DCDC2: variants seen among roughly 807,000 people sequenced by gnomAD.
DCDC2 encodes doublecortin domain containing 2.
In DCDC2, 40 loss-of-function variants were observed where a neutral mutation model predicts 50.2. The observed-to-expected ratio is 0.80, with a 90% confidence interval of 0.62 to 1.04. DCDC2 has a LOEUF of 1.04. Among genes scored for constraint, DCDC2 ranks in the 50% least tolerant of loss-of-function variants. The pLI, the probability that DCDC2 is intolerant of heterozygous loss-of-function variation, is 0.00. For synonymous variants in DCDC2, 234 were observed against 210.6 expected, an observed-to-expected ratio of 1.11 and a Z score of -0.96; for missense variants, 570 against 581.9, an observed-to-expected ratio of 0.98 and a Z score of 0.21.
At chr6:24,358,512 T>C (rs1262654639), upstream of DCDC2, among the ~76,000 whole-genome samples, 3 of 75,904 alleles carry the variant, frequency 4.0e-5, no homozygotes, top group East Asian at 9.6e-4. Flanking sequence ...TCTCTACAAT[T>C]AAAAAAAAAA....
At chr6:24,181,345 A>G (rs1761066024) in intron 8 of DCDC2, among the ~76,000 whole-genome samples, 1 of 152,212 alleles carries the variant, frequency 6.6e-6, no homozygotes, top group Non-Finnish European at 1.5e-5. Flanking sequence ...AGAGAATAAC[A>G]TTTCCAATCT....
chr6:24,381,940 AAG>A, the DCDC2 span, among the ~76,000 whole-genome samples: 3 of 117,080 alleles, frequency 2.6e-5, 1 homozygote, highest in South Asian at 8.1e-4. Flanking sequence ...GAAAGAAAGA[AAG>A]AAGAAGAAGG....
intron 8 of DCDC2, among the ~76,000 whole-genome samples, chr6:24,189,362 T>A (rs186549661): frequency 6.6e-5 from 10 of 152,208 alleles, no homozygotes; most frequent in East Asian, 1.9e-4. Flanking sequence ...AATATGAAAA[T>A]TATATGGAAA....
At chr6:24,195,769 G>C (rs982074581) in intron 8 of DCDC2, among the ~76,000 whole-genome samples, 3 of 152,090 alleles carry the variant, frequency 2.0e-5, no homozygotes, top group Non-Finnish European at 4.4e-5. Flanking sequence ...GATTGTTCTG[G>C]AAGACATCAC....
At chr6:24,220,135 T>C (rs1762066191) in intron 7 of DCDC2, among the ~76,000 whole-genome samples, 1 of 152,216 alleles carries the variant, frequency 6.6e-6, no homozygotes, top group Non-Finnish European at 1.5e-5. Flanking sequence ...TGGTAGAATG[T>C]ATACCTATCA....
chr6:24,335,077 C>G (rs1398919523), intron 2 of DCDC2, among the ~76,000 whole-genome samples: 5 of 152,174 alleles, frequency 3.3e-5, no homozygotes, highest in African/African-American at 1.2e-4. Context: ...ATAGCTAGAT[C>G]ATGTAAACTG....
At chr6:24,281,163 G>C (rs186268831) in intron 6 of DCDC2, among the ~76,000 whole-genome samples, 1 of 152,232 alleles carries the variant, frequency 6.6e-6, no homozygotes, top group Non-Finnish European at 1.5e-5. Context: ...GGTAATTTTG[G>C]AGTATCAAGA....
intron 7 of DCDC2, among the ~76,000 whole-genome samples, chr6:24,207,252 A>ATCTT (rs1290381819): frequency 2.2e-5 from 2 of 90,338 alleles, no homozygotes; most frequent in Admixed American, 1.0e-4. Context: ...CACTCCATCT[A>ATCTT]TCTTTCTCTC....
intron 7 of DCDC2, among the ~76,000 whole-genome samples, chr6:24,277,217 C>A (rs1031881391): frequency 1.3e-5 from 2 of 148,246 alleles, no homozygotes; most frequent in African/African-American, 4.9e-5. Flanking sequence ...TAATCTGAAA[C>A]CTGATCCCAT....
intron 5 of DCDC2, among the ~76,000 whole-genome samples, chr6:24,290,505 A>C (rs1763722493): frequency 6.6e-6 from 1 of 152,206 alleles, no homozygotes; most frequent in South Asian, 2.1e-4. Flanking sequence ...GTTATTATTA[A>C]AACAAGTATA....
chr6:24,179,894 C>T (rs546961794), intron 8 of DCDC2, among the ~76,000 whole-genome samples: 321 of 126,746 alleles, frequency 2.5e-3, no homozygotes, highest in Middle Eastern at 0.012. Context: ...GCAGAGCTTG[C>T]AGTGAGCCCA....
chr6:24,285,597 T>A (rs1034221639), intron 6 of DCDC2, among the ~76,000 whole-genome samples: 1 of 152,174 alleles, frequency 6.6e-6, no homozygotes, highest in African/African-American at 2.4e-5. Context: ...ATCAGATGAA[T>A]TGATGTGATG....
At chr6:24,321,083 C>G (rs1430556194) in intron 2 of DCDC2, among the ~76,000 whole-genome samples, 1 of 150,866 alleles carries the variant, frequency 6.6e-6, no homozygotes, top group Non-Finnish European at 1.5e-5. Flanking sequence ...GATTTTAACA[C>G]CTAAAATAAA....
chr6:24,313,309 T>TA (rs1465534772), intron 2 of DCDC2, among the ~76,000 whole-genome samples: 2 of 152,100 alleles, frequency 1.3e-5, no homozygotes, highest in African/African-American at 2.4e-5. Flanking sequence ...CCCATAAAGT[T>TA]AAAAAATAAC....
At chr6:24,246,883 CTT>C in intron 7 of DCDC2, among the ~76,000 whole-genome samples, 1 of 152,258 alleles carries the variant, frequency 6.6e-6, no homozygotes, top group African/African-American at 2.4e-5. Context: ...CGAGCTTCCT[CTT>C]GTTTTGCTTC....
At chr6:24,238,180 G>GGGAGGAA (rs1561902249) in intron 7 of DCDC2, among the ~76,000 whole-genome samples, 1 of 2,382 alleles carries the variant, frequency 4.2e-4, no homozygotes, top group Non-Finnish European at 2.4e-3. Flanking sequence ...GAGGGAGGGA[G>GGGAGGAA]GGGAGGGGGA....
At chr6:24,304,614 CAG>C (rs1197451828) in intron 2 of DCDC2, among the ~76,000 whole-genome samples, 1 of 152,130 alleles carries the variant, frequency 6.6e-6, no homozygotes, top group Non-Finnish European at 1.5e-5. Context: ...AAGCTGCAAC[CAG>C]AGTTAGAAAT....
At chr6:24,382,009 A>AAGGAAGGAAGGAAGGAAGGAAGGAAGGC in the DCDC2 span, among the ~76,000 whole-genome samples, 21 of 116,492 alleles carry the variant, frequency 1.8e-4, no homozygotes, top group East Asian at 2.1e-3. Context: ...GGAAGGAAGG[A>AAGGAAGGAAGGAAGGAAGGAAGGAAGGC]AGGCAGGCAA....
At chr6:24,240,573 G>C (rs982718093) in intron 7 of DCDC2, among the ~76,000 whole-genome samples, 2 of 152,180 alleles carry the variant, frequency 1.3e-5, no homozygotes, top group Admixed American at 1.3e-4. Flanking sequence ...TTATTATTTT[G>C]ATTACTAGGC....
Sources: gnomAD v4.1 joint callset for allele counts (sites outside exome capture counted in the v4.1 genomes callset) on GRCh38, gnomAD v4.1.1 for gene constraint, MANE v1.5 for transcripts, NCBI Gene and HGNC (gene_info 2026-07-23, HGNC 2026-07-21) for gene names.